CSMD1: variants seen among roughly 807,000 people sequenced by gnomAD.
The protein encoded by CSMD1 is CUB and sushi domain-containing protein 1.
A neutral mutation model predicts 417.5 loss-of-function variants in CSMD1; 213 were observed. That is an observed-to-expected ratio of 0.51 (90% CI 0.46 to 0.57). The LOEUF (loss-of-function observed/expected upper bound fraction) is 0.57, where lower values mean the gene tolerates loss of function less well. Among genes scored for constraint, CSMD1 ranks in the 20% least tolerant of loss-of-function variants. The probability of loss-of-function intolerance (pLI) is 0.00; values close to 1 mark genes in which losing one functional copy is unlikely to be tolerated. For missense variants in CSMD1, 6,923 were observed against 4,529.7 expected, an observed-to-expected ratio of 1.53 and a Z score of -15.17; for synonymous variants, 2,862 against 1,736.8, an observed-to-expected ratio of 1.65 and a Z score of -16.11.
At chr8:4,803,744 T>C (rs781779942) in intron 1 of CSMD1, among the ~76,000 whole-genome samples, 1 of 152,228 alleles carries the variant, frequency 6.6e-6, no homozygotes, top group African/African-American at 2.4e-5. Flanking sequence ...AATACTAATA[T>C]AATTTTTTTC....
intron 1 of CSMD1, among the ~76,000 whole-genome samples, chr8:4,885,554 T>C (rs1453497194): frequency 6.6e-6 from 1 of 152,072 alleles, no homozygotes; most frequent in Non-Finnish European, 1.5e-5. Flanking sequence ...TTGGATTTTG[T>C]CAAATGCTTT....
chr8:4,338,624 G>C (rs1179696159), intron 3 of CSMD1, among the ~76,000 whole-genome samples: 1 of 152,064 alleles, frequency 6.6e-6, no homozygotes, highest in Non-Finnish European at 1.5e-5. Context: ...CTTTAAATTA[G>C]GTCCATAAAT....
chr8:3,309,849 T>C (rs1445097650), intron 23 of CSMD1, among the ~76,000 whole-genome samples: 2 of 152,200 alleles, frequency 1.3e-5, no homozygotes, highest in African/African-American at 4.8e-5. Context: ...CTAATCAGGA[T>C]TGAGATTTGC....
At chr8:3,156,620 A>C (rs62490190) in intron 39 of CSMD1, among the ~76,000 whole-genome samples, 16,985 of 152,196 alleles carry the variant, frequency 0.11, 1,358 homozygotes, top group African/African-American at 0.23. Context: ...AAAATTCAAG[A>C]GGGTGCCTAA....
Position 4,340,493 on chromosome 8 carries a change from G to A in CSMD1, c.415+79460C>T, listed in dbSNP as rs138838721. Among the ~76,000 whole-genome samples, 1,025 of 152,168 alleles carry A rather than the reference G, an allele frequency of 6.7e-3. 16 individuals are homozygous for A. The highest frequency in any genetic ancestry group is 8.4e-3 in the Non-Finnish European group (569 of 67,992). ...TAGGGGTGATGAACTCCTCATGGTC[G>A]AGTCCCCAATGTCATGGTTAGACTT... On this transcript the variant is annotated intron_variant, in intron 3 of 69. Transcript: ENST00000635120.
intron 7 of CSMD1, among the ~76,000 whole-genome samples, chr8:3,673,254 C>A (rs1197301633): frequency 6.6e-6 from 1 of 152,184 alleles, no homozygotes; most frequent in Non-Finnish European, 1.5e-5. Flanking sequence ...TTCTATTGAA[C>A]ACATGCTCTT....
At chr8:3,118,104 T>C (rs541092215) in intron 42 of CSMD1, among the ~76,000 whole-genome samples, 4 of 152,232 alleles carry the variant, frequency 2.6e-5, no homozygotes, top group Non-Finnish European at 5.9e-5. Context: ...ATTTCCCTGA[T>C]GGCTTCCCAA....
chr8:4,744,690 T>C (rs1810837576), intron 1 of CSMD1, among the ~76,000 whole-genome samples: 1 of 152,146 alleles, frequency 6.6e-6, no homozygotes. Flanking sequence ...CAGATATTAT[T>C]TTACATAATG....
At chr8:4,955,589 G>C (rs952104200) in intron 1 of CSMD1, among the ~76,000 whole-genome samples, 1 of 152,012 alleles carries the variant, frequency 6.6e-6, no homozygotes, top group Non-Finnish European at 1.5e-5. Context: ...CCGAGTAGCT[G>C]AGATTACAAG....
chr8:2,957,906 G>C, intron 62 of CSMD1, 99 bp from the exon 63 acceptor site: 1 of 784,396 alleles, frequency 1.3e-6, no homozygotes, highest in Non-Finnish European at 2.1e-6. Context: ...AAGTACAGCA[G>C]CAACTTTTCA....
intron 2 of CSMD1, among the ~76,000 whole-genome samples, chr8:4,441,924 G>C (rs1296351040): frequency 6.6e-6 from 1 of 152,110 alleles, no homozygotes; most frequent in African/African-American, 2.4e-5. Flanking sequence ...AATCTTATCA[G>C]CTTCTTACAT....
intron 1 of CSMD1, among the ~76,000 whole-genome samples, chr8:4,907,114 T>C (rs1158631056): frequency 6.6e-6 from 1 of 152,248 alleles, no homozygotes; most frequent in Non-Finnish European, 1.5e-5. Context: ...TAATTGCTGC[T>C]TTCTGTGTGT....
chr8:3,106,563 T>G lies in CSMD1; in HGVS notation c.6914A>C (p.Gln2305Pro). 6.2e-7 allele frequency: 1 copy of G among 1,613,858 alleles called. No homozygotes were observed. Among genetic ancestry groups the G allele is most frequent in the Non-Finnish European group, 8.5e-7 (1 of 1,179,794 alleles). The change falls in exon 46 of 70, where the codon CAG becomes CCG. Residue 2305 changes from glutamine (Q) to proline (P), a missense_variant. Transcript: ENST00000635120. ...TDILTCKLSS[Q>P]LQFEGSLPTC... ...TGGGAGAGAACCCTCAAACTGCAAC[T>G]GGGAACTGAGCTTGCAAGTCAGAAT...
At chr8:4,303,123 T>A (rs1335247318) in intron 3 of CSMD1, among the ~76,000 whole-genome samples, 3 of 152,050 alleles carry the variant, frequency 2.0e-5, no homozygotes, top group South Asian at 2.1e-4. Context: ...AATAAGGACA[T>A]TATGATTTTC....
chr8:4,108,062 AGAGACAGAG>A (rs1439919922), intron 3 of CSMD1, among the ~76,000 whole-genome samples: 3 of 306 alleles, frequency 9.8e-3, no homozygotes, highest in East Asian at 0.12. Flanking sequence ...AGACAGAGAC[AGAGACAGAG>A]ACAGAGAGAG....
chr8:4,594,551 G>GTT (rs1800158059), intron 2 of CSMD1, among the ~76,000 whole-genome samples: 1 of 151,830 alleles, frequency 6.6e-6, no homozygotes, highest in African/African-American at 2.4e-5. Flanking sequence ...TGGGATTTAG[G>GTT]AATTTGATGT....
intron 3 of CSMD1, among the ~76,000 whole-genome samples, chr8:4,272,559 C>T (rs186356161): frequency 1.8e-4 from 27 of 152,172 alleles, no homozygotes; most frequent in African/African-American, 6.3e-4. Flanking sequence ...ACTTGTAATA[C>T]CAGTTATTTA....
At chr8:4,372,261 C>A (rs939959136) in intron 3 of CSMD1, among the ~76,000 whole-genome samples, 1 of 152,092 alleles carries the variant, frequency 6.6e-6, no homozygotes, top group Admixed American at 6.6e-5. Context: ...TACATAACGT[C>A]GGCTCTCCAT....
intron 2 of CSMD1, among the ~76,000 whole-genome samples, chr8:4,426,677 T>A (rs968720312): frequency 4.1e-5 from 6 of 147,198 alleles, no homozygotes; most frequent in East Asian, 2.0e-4. Context: ...TTTTATTATA[T>A]AATATAGTAA....
Sources: allele counts gnomAD v4.1 joint callset (sites outside exome capture counted in the v4.1 genomes callset), GRCh38; gene constraint gnomAD v4.1.1; transcripts MANE v1.5; gene names NCBI Gene and HGNC (gene_info 2026-07-23, HGNC 2026-07-21).